The following RARB variants were observed in gnomAD, a reference collection of about 807,000 sequenced individuals.
The protein encoded by RARB is retinoic acid receptor beta, also known as HBV-activated protein.
In RARB, 17 loss-of-function variants were observed where a neutral mutation model predicts 51.9. The observed-to-expected ratio is 0.33, with a 90% CI of 0.22 to 0.49. The LOEUF is 0.49. RARB is among the 20% of genes least tolerant of loss of function. The probability of loss-of-function intolerance (pLI) is 0.99; values close to 1 mark genes in which losing one functional copy is unlikely to be tolerated. For synonymous variants in RARB, 215 were observed against 195.4 expected, an observed-to-expected ratio of 1.10 and a Z score of -0.84; for missense variants, 369 against 550.8, an observed-to-expected ratio of 0.67 and a Z score of 3.30.
rs942924788 is a variant in RARB at position 25,578,352 on chromosome 3, C to T, written c.610-2194C>T. On this transcript the variant is annotated intron_variant, in intron 4 of 7. Coordinates refer to ENST00000330688, the MANE Select transcript of RARB (RefSeq NM_000965.5). ...GAGTTAGATTTACATGCCGTTAAGACGGCTGTGCATTATTTTTAATAGAAG... is the reference window on the plus strand; with the variant it reads ...GAGTTAGATTTACATGCCGTTAAGATGGCTGTGCATTATTTTTAATAGAAG... Among the ~76,000 whole-genome samples, 6 of 152,220 alleles carry T rather than the reference C, an allele frequency of 3.9e-5. No individual in the cohort carries two copies. The East Asian group carries it at 1.2e-3, about 29-fold the overall frequency.
chr3:25,578,623 C>T (rs1386391222), intron 4 of RARB, among the ~76,000 whole-genome samples: 2 of 152,204 alleles, frequency 1.3e-5, no homozygotes, highest in Non-Finnish European at 2.9e-5. Flanking sequence ...ACATCTTGAT[C>T]TCATGTTCCC....
intron 5 of RARB, among the ~76,000 whole-genome samples, chr3:25,234,367 T>G (rs539858353): frequency 3.0e-4 from 46 of 152,294 alleles, no homozygotes; most frequent in African/African-American, 9.6e-4. Context: ...TGATATCCTC[T>G]CTTTTATTCT....
chr3:24,917,363 A>G (rs938187652), intron 2 of RARB, among the ~76,000 whole-genome samples: 3 of 152,250 alleles, frequency 2.0e-5, no homozygotes, highest in Non-Finnish European at 4.4e-5. Flanking sequence ...CATTAAGTAA[A>G]AAAGACAGAT....
At chr3:25,378,182 T>G (rs1706520709) in intron 5 of RARB, among the ~76,000 whole-genome samples, 1 of 152,118 alleles carries the variant, frequency 6.6e-6, no homozygotes, top group African/African-American at 2.4e-5. Flanking sequence ...AGCACAAGAC[T>G]CGGGCATGCA....
At chr3:25,246,691 A>G (rs1169778918) in intron 5 of RARB, among the ~76,000 whole-genome samples, 1 of 152,000 alleles carries the variant, frequency 6.6e-6, no homozygotes. Context: ...CTCCCTCTGG[A>G]AGTTTGGTCC....
intron 2 of RARB, among the ~76,000 whole-genome samples, chr3:24,938,732 C>T (rs768259815): frequency 2.0e-5 from 3 of 152,144 alleles, no homozygotes. Flanking sequence ...TTCTCCCCGC[C>T]CTCAGTCCCT....
chr3:25,412,046 G>A (rs1233008241), intron 5 of RARB, among the ~76,000 whole-genome samples: 1 of 152,080 alleles, frequency 6.6e-6, no homozygotes, highest in Non-Finnish European at 1.5e-5. Flanking sequence ...TAGCATGAGG[G>A]GCAGTCATTA....
In RARB at chr3:25,199,192, G is replaced by A. The variant is rs143879735; in HGVS notation, c.178+24617G>A. On this transcript the variant is annotated intron_variant, in intron 5 of 11. Coordinates refer to the RARB transcript ENST00000383772. ...CATTATGTTAAGTGAAATAAGACAG[G>A]CACAGAAAGATAAACATCACATGGT... is the stretch of plus-strand genomic sequence containing the variant. Among the ~76,000 whole-genome samples, 946 of 152,098 alleles carry A rather than the reference G, an allele frequency of 6.2e-3. 18 individuals carry two copies. The highest frequency in any genetic ancestry group is 0.03 in the East Asian group (153 of 5,172).
chr3:24,957,513 G>T (rs1257990642), intron 2 of RARB, among the ~76,000 whole-genome samples: 3 of 152,182 alleles, frequency 2.0e-5, no homozygotes, highest in Admixed American at 2.0e-4. Flanking sequence ...AAAAGATCCA[G>T]TGTACACAAC....
chr3:25,321,339 G>T (rs1704562949), intron 5 of RARB, among the ~76,000 whole-genome samples: 1 of 151,952 alleles, frequency 6.6e-6, no homozygotes, highest in African/African-American at 2.4e-5. Context: ...ACTGAATATT[G>T]GTATAATACA....
intron 4 of RARB, among the ~76,000 whole-genome samples, chr3:25,163,549 G>C (rs1367917956): frequency 1.5e-5 from 2 of 130,008 alleles, no homozygotes; most frequent in Non-Finnish European, 3.4e-5. Flanking sequence ...TTGTTTATTT[G>C]GTCTTGCCTT....
chr3:25,190,056 C>G (rs549783378), intron 5 of RARB, among the ~76,000 whole-genome samples: 1 of 152,084 alleles, frequency 6.6e-6, no homozygotes, highest in South Asian at 2.1e-4. Flanking sequence ...CCAATTTATT[C>G]CTCAGTTTGG....
At chr3:25,484,223 C>T (rs897435937) in intron 2 of RARB, among the ~76,000 whole-genome samples, 18 of 152,080 alleles carry the variant, frequency 1.2e-4, no homozygotes, top group African/African-American at 4.3e-4. Flanking sequence ...TGAGAAAGGG[C>T]GAGGAGGAAA....
chr3:24,874,704 A>G (rs1313137911), intron 2 of RARB, among the ~76,000 whole-genome samples: 1 of 150,444 alleles, frequency 6.6e-6, no homozygotes, highest in Non-Finnish European at 1.5e-5. Flanking sequence ...TTTTTTTCTG[A>G]GTAAATGTCA....
intron 3 of RARB, among the ~76,000 whole-genome samples, chr3:25,105,002 G>T (rs1464076360): frequency 6.6e-6 from 1 of 152,106 alleles, no homozygotes; most frequent in Non-Finnish European, 1.5e-5. Flanking sequence ...AATTCATTGA[G>T]CTGTACACGT....
At chr3:25,427,701 G>C (rs1190301147), upstream of RARB, among the ~76,000 whole-genome samples, 1 of 152,208 alleles carries the variant, frequency 6.6e-6, no homozygotes, top group Non-Finnish European at 1.5e-5. Context: ...GGGAGAAAGA[G>C]AAAAAGACTG....
intron 3 of RARB, among the ~76,000 whole-genome samples, chr3:25,111,154 G>A (rs1699594676): frequency 6.6e-6 from 1 of 152,074 alleles, no homozygotes; most frequent in Admixed American, 6.5e-5. Context: ...TGTTTTTTCA[G>A]ATGCAAGTAA....
chr3:24,970,574 AACAC>A (rs60292267), intron 2 of RARB, among the ~76,000 whole-genome samples: 23,525 of 148,752 alleles, frequency 0.16, 1,963 homozygotes, highest in African/African-American at 0.17. Context: ...AAGTCATGTA[AACAC>A]ACACACACAC....
intron 5 of RARB, among the ~76,000 whole-genome samples, chr3:25,260,505 G>A (rs1053124169): frequency 1.3e-5 from 2 of 151,948 alleles, no homozygotes; most frequent in Non-Finnish European, 2.9e-5. Context: ...CACAAGACAG[G>A]GACCCACTGA....
Sources: allele counts gnomAD v4.1 joint callset (sites outside exome capture counted in the v4.1 genomes callset), GRCh38; gene constraint gnomAD v4.1.1; transcripts MANE v1.5; gene names NCBI Gene and HGNC (gene_info 2026-07-23, HGNC 2026-07-21).